Variants in TECRL observed in about 807,000 individuals in gnomAD.
The protein encoded by TECRL is trans-2,3-enoyl-CoA reductase like.
Under a neutral mutation model 52.8 loss-of-function variants are expected in TECRL, and 63 were observed. The observed-to-expected ratio is 1.19, with a 90% CI of 0.97 to 1.47. The LOEUF is 1.47. Ranked by LOEUF, TECRL falls within the 40% of genes most tolerant of loss-of-function variation. The pLI, the probability that TECRL is intolerant of heterozygous loss-of-function variation, is 0.00. For synonymous variants in TECRL, 164 were observed against 141.9 expected (o/e 1.16, Z -1.10); for missense variants, 482 against 429.6 (o/e 1.12, Z -1.08).
intron 1 of TECRL, among the ~76,000 whole-genome samples, chr4:64,386,394 A>G (rs970373736): frequency 2.0e-5 from 3 of 152,104 alleles, no homozygotes; most frequent in Admixed American, 2.0e-4. Context: ...GCTGAGGAAG[A>G]GGAAGATGAG....
At chr4:64,398,261 A>G (rs1377107918) in intron 1 of TECRL, among the ~76,000 whole-genome samples, 1 of 152,182 alleles carries the variant, frequency 6.6e-6, no homozygotes, top group Non-Finnish European at 1.5e-5. Flanking sequence ...GAGAAAACTC[A>G]TATCATTAAA....
chr4:64,348,237 C>T (rs1391433068), intron 2 of TECRL, among the ~76,000 whole-genome samples: 1 of 152,110 alleles, frequency 6.6e-6, no homozygotes, highest in Non-Finnish European at 1.5e-5. Flanking sequence ...AAGCAAGGAC[C>T]TTCTTCACAA....
At chr4:64,308,467 A>G (rs1724469278) in intron 6 of TECRL, among the ~76,000 whole-genome samples, 1 of 152,192 alleles carries the variant, frequency 6.6e-6, no homozygotes, top group Non-Finnish European at 1.5e-5. Context: ...TGCCGATGCA[A>G]CAACCCCAGG....
At chr4:64,330,035 G>A (rs1332484027) in intron 2 of TECRL, among the ~76,000 whole-genome samples, 1 of 151,202 alleles carries the variant, frequency 6.6e-6, no homozygotes, top group Non-Finnish European at 1.5e-5. Context: ...TGAGGAAAGA[G>A]AAAAAGGAGA....
chr4:64,342,732 G>A (rs1162274355), intron 2 of TECRL, among the ~76,000 whole-genome samples: 2 of 152,014 alleles, frequency 1.3e-5, no homozygotes, highest in African/African-American at 4.8e-5. Context: ...AGGACACTGT[G>A]AGGAATAAAT....
intron 1 of TECRL, among the ~76,000 whole-genome samples, chr4:64,389,459 G>T (rs530760096): frequency 1.3e-5 from 2 of 152,046 alleles, no homozygotes; most frequent in South Asian, 4.1e-4. Context: ...GCACAAGTAG[G>T]ATAAATCCCA....
chr4:64,390,381 T>C (rs1361738658), intron 1 of TECRL, among the ~76,000 whole-genome samples: 1 of 151,926 alleles, frequency 6.6e-6, no homozygotes, highest in East Asian at 1.9e-4. Context: ...ATCATGTAAC[T>C]TGATTGGCCT....
Position 64,279,843 on chromosome 4 carries a change from C to T in TECRL, c.*229G>A. On this transcript the variant is annotated 3_prime_UTR_variant, in exon 12 of 12. Transcript: ENST00000381210. The stretch of plus-strand genomic sequence containing the variant: ...GACAATTTTATTCAAGGACCAATCC[C>T]ATGCAAATACATTCAGAGCTGTTCT... The T allele has an allele frequency of 9.4e-7, 1 of 1,058,518 alleles. No individual in the cohort carries two copies. The highest frequency in any genetic ancestry group is 1.1e-6 in the Non-Finnish European group (1 of 877,862). 65.6% of individuals were successfully genotyped at this position (1,058,518 alleles called of 1,614,324 possible). A position where few individuals can be genotyped will look rare whatever the true frequency, so the allele number is the denominator to read the frequency against.
At chr4:64,331,224 TC>T (rs1357891753) in intron 2 of TECRL, among the ~76,000 whole-genome samples, 1 of 152,036 alleles carries the variant, frequency 6.6e-6, no homozygotes, top group East Asian at 1.9e-4. Flanking sequence ...AAAATATATA[TC>T]CCCTGAGAAT....
chr4:64,405,625 G>A (rs1421036051), intron 1 of TECRL, among the ~76,000 whole-genome samples: 2 of 152,060 alleles, frequency 1.3e-5, no homozygotes, highest in East Asian at 1.9e-4. Context: ...ACAGTCCAAG[G>A]AAAATAATAG....
At chr4:64,394,894 A>G (rs2109758576) in intron 1 of TECRL, among the ~76,000 whole-genome samples, 1 of 151,414 alleles carries the variant, frequency 6.6e-6, no homozygotes, top group Admixed American at 6.6e-5. Context: ...TACAAGTCAA[A>G]AAATTAACAA....
rs59253067 is a variant in TECRL at position 64,403,475 on chromosome 4, G to GCGCGCACACACA, written c.234+5642_234+5643insTGTGTGTGCGCG. Among the ~76,000 whole-genome samples, 862 of 148,334 alleles carry GCGCGCACACACA rather than the reference G, an allele frequency of 5.8e-3. 6 individuals carry two copies. Among genetic ancestry groups the GCGCGCACACACA allele is most frequent in the African/African-American group, 0.02 (816 of 40,186 alleles). ...AAACAATATTCTTCCCTCCCTGAGC[G>GCGCGCACACACA]CACACACACACACACACACACACAC... On this transcript the variant is annotated intron_variant, in intron 1 of 11. Coordinates refer to ENST00000381210, the MANE Select transcript of TECRL (RefSeq NM_001010874.5).
chr4:64,317,686 TA>T (rs1390957758), intron 4 of TECRL, among the ~76,000 whole-genome samples: 1 of 152,138 alleles, frequency 6.6e-6, no homozygotes, highest in African/African-American at 2.4e-5. Context: ...GACAGATAAA[TA>T]ACATATAATG....
At chr4:64,386,509 T>C (rs1723187987) in intron 1 of TECRL, among the ~76,000 whole-genome samples, 1 of 152,212 alleles carries the variant, frequency 6.6e-6, no homozygotes, top group African/African-American at 2.4e-5. Context: ...TGTATGCATA[T>C]ATATATGTCA....
chr4:64,376,269 T>A (rs888005510), intron 1 of TECRL, among the ~76,000 whole-genome samples: 5 of 151,822 alleles, frequency 3.3e-5, no homozygotes, highest in Admixed American at 6.6e-5. Context: ...TGATTTCCTG[T>A]GTGTATATGA....
chr4:64,352,736 T>G (rs1720483349), intron 2 of TECRL, among the ~76,000 whole-genome samples: 1 of 152,228 alleles, frequency 6.6e-6, no homozygotes. Context: ...ACACCACATG[T>G]AAGCACTTCT....
chr4:64,284,238 C>G (rs146998108), intron 9 of TECRL, among the ~76,000 whole-genome samples: 537 of 152,102 alleles, frequency 3.5e-3, no homozygotes, highest in Non-Finnish European at 5.9e-3. Flanking sequence ...AAAGCAATGG[C>G]CCACAATAAG....
At chr4:64,391,963 C>T (rs1296708797) in intron 1 of TECRL, among the ~76,000 whole-genome samples, 1 of 151,856 alleles carries the variant, frequency 6.6e-6, no homozygotes, top group Non-Finnish European at 1.5e-5. Flanking sequence ...TAATTGAATG[C>T]ACCTGCTAGA....
At chr4:64,355,390 A>G (rs189274478) in intron 2 of TECRL, among the ~76,000 whole-genome samples, 4 of 145,448 alleles carry the variant, frequency 2.8e-5, no homozygotes, top group African/African-American at 9.9e-5. Flanking sequence ...ATATTTTTCT[A>G]TATTAACTTT....
Sources: gnomAD v4.1 joint callset for allele counts (sites outside exome capture counted in the v4.1 genomes callset) on GRCh38, gnomAD v4.1.1 for gene constraint, MANE v1.5 for transcripts, NCBI Gene and HGNC (gene_info 2026-07-23, HGNC 2026-07-21) for gene names.